Variants in TMEM170A observed in about 807,000 individuals in gnomAD.
The protein encoded by TMEM170A is transmembrane protein 170.
In TMEM170A, 18 loss-of-function variants were observed where a neutral mutation model predicts 12.8. That is an observed-to-expected ratio of 1.41 (90% confidence interval 0.97 to 2.09). The LOEUF (loss-of-function observed/expected upper bound fraction) is 2.09, where lower values mean the gene tolerates loss of function less well. Among genes scored for constraint, TMEM170A ranks in the 30% most tolerant of loss-of-function variants. TMEM170A has a pLI of 0.00. For synonymous variants in TMEM170A, 107 were observed against 76.2 expected (o/e 1.40, Z -2.11); for missense variants, 220 against 179.9 (o/e 1.22, Z -1.28).
chr16:75,458,008 A>C (rs1250252810), intron 1 of TMEM170A, among the ~76,000 whole-genome samples: 3 of 152,222 alleles, frequency 2.0e-5, no homozygotes, highest in Admixed American at 2.0e-4. Context: ...CTTTTTAAAA[A>C]ACTAAGTGAT....
In TMEM170A at chr16:75,451,837, T is replaced by A. The variant is rs755523616; in HGVS notation, c.136A>T (p.Met46Leu). ...NSTSLCSFPE[M>L]WYGVFLWALV... ...GCCCACAGGAATACACCATACCACA[T>A]CTCTATGAGGGAAGACAAAGAAAAG... is the stretch of plus-strand genomic sequence containing the variant. The change falls in exon 2 of 3, where the codon ATG becomes TTG. Residue 46 changes from methionine (M) to leucine (L), a missense_variant and splice_region_variant. Met to Leu is a conservative substitution (Grantham distance 15, BLOSUM62 2). Transcript: ENST00000561878. The A allele has an allele frequency of 6.2e-7, 1 of 1,609,292 alleles. No homozygotes were observed. The highest frequency in any genetic ancestry group is 1.7e-5 in the Admixed American group (1 of 59,004).
In TMEM170A at chr16:75,444,726, T is replaced by A. The variant is rs1348261700; in HGVS notation, c.*2832A>T. 2 of 151,820 alleles carry A rather than the reference T, an allele frequency of 1.3e-5. No individual in the cohort carries two copies. The highest frequency in any genetic ancestry group is 1.5e-5 in the Non-Finnish European group (1 of 67,946). The allele number at this position is 151,820 out of a possible 1,614,324, so 9.4% of individuals were successfully genotyped here. On this transcript the variant is annotated 3_prime_UTR_variant, in exon 3 of 3. Coordinates refer to ENST00000561878, the MANE Select transcript of TMEM170A (RefSeq NM_145254.3). Reference sequence around the variant, plus strand: ...TTAAAATCTATATATATATATAGATTTATTCACTGGAGAATACTTCACCTA... The same window carrying A: ...TTAAAATCTATATATATATATAGATATATTCACTGGAGAATACTTCACCTA...
chr16:75,453,511 A>G (rs2079726302), intron 1 of TMEM170A, among the ~76,000 whole-genome samples: 1 of 152,216 alleles, frequency 6.6e-6, no homozygotes, highest in African/African-American at 2.4e-5. Context: ...GCCAATTGAT[A>G]CGGTACTATG....
At position 75,451,964 on chromosome 16, in the gene TMEM170A, A is replaced by T; in HGVS notation, c.134-125T>A. The T allele has an allele frequency of 4.6e-6, 4 of 871,916 alleles. No homozygotes were observed. The South Asian group carries it at 6.0e-5, about 13-fold the overall frequency. The allele number at this position is 871,916 out of a possible 1,614,324, so 54.0% of individuals were successfully genotyped here. The stretch of plus-strand genomic sequence containing the variant: ...TTTCTTTTTTCCTTTTTTTTGAAAA[A>T]TTTTTATTATTTTTAATTTTTTTTT... On this transcript the variant is annotated intron_variant, in intron 1 of 2. Transcript: ENST00000561878.
rs920171903 is a variant in TMEM170A at position 75,446,353 on chromosome 16, G to T, written c.*1205C>A. On this transcript the variant is annotated 3_prime_UTR_variant, in exon 3 of 3. Coordinates refer to ENST00000561878, the MANE Select transcript of TMEM170A (RefSeq NM_145254.3). ...CCTCTCAAAGAGTCACAGTTTTCAG[G>T]CCTTTTAATGAAAAAGAAAGTTAGG... The T allele has an allele frequency of 1.3e-5, 2 of 151,968 alleles. No individual in the cohort carries two copies. Among genetic ancestry groups the T allele is most frequent in the African/African-American group, 4.8e-5 (2 of 41,370 alleles). The allele number at this position is 151,968 out of a possible 1,614,324, so 9.4% of individuals were successfully genotyped here.
At chr16:75,462,709 T>C (rs1019247373) in intron 1 of TMEM170A, among the ~76,000 whole-genome samples, 8 of 152,234 alleles carry the variant, frequency 5.3e-5, no homozygotes, top group African/African-American at 1.9e-4. Flanking sequence ...AGTAACTGTT[T>C]TAGCTAAATG....
intron 2 of TMEM170A, among the ~76,000 whole-genome samples, chr16:75,448,511 C>T (rs2079626888): frequency 6.6e-6 from 1 of 152,092 alleles, no homozygotes; most frequent in Admixed American, 6.6e-5. Context: ...GCCTGTAATC[C>T]CAGCACTTTG....
At chr16:75,461,923 T>C (rs891650763) in intron 1 of TMEM170A, among the ~76,000 whole-genome samples, 3 of 152,246 alleles carry the variant, frequency 2.0e-5, no homozygotes, top group Admixed American at 6.5e-5. Flanking sequence ...CCTACTGTGA[T>C]GTATTAAACC....
At chr16:75,462,964 C>A (rs766415258) in intron 1 of TMEM170A, among the ~76,000 whole-genome samples, 3 of 152,126 alleles carry the variant, frequency 2.0e-5, no homozygotes, top group Non-Finnish European at 4.4e-5. Context: ...ACTTCTGCAA[C>A]TTCCTATTGA....
intron 1 of TMEM170A, among the ~76,000 whole-genome samples, chr16:75,455,905 G>T (rs2079784173): frequency 6.6e-6 from 1 of 152,226 alleles, no homozygotes; most frequent in African/African-American, 2.4e-5. Context: ...GAGGGGATTA[G>T]AAAGGGGGAG....
upstream of TMEM170A, chr16:75,464,699 C>A: frequency 6.9e-7 from 1 of 1,452,872 alleles, no homozygotes; most frequent in Non-Finnish European, 9.1e-7. Flanking sequence ...CACCTCCAGC[C>A]GGGGTCCTCT....
In TMEM170A at chr16:75,446,697, T is replaced by A. The variant is rs139298815; in HGVS notation, c.*861A>T. On this transcript the variant is annotated 3_prime_UTR_variant, in exon 3 of 3. Coordinates refer to ENST00000561878, the MANE Select transcript of TMEM170A (RefSeq NM_145254.3). ...AAAAACTATGACAGAATGCCTAAAG[T>A]ATCTTATGTGTGCCTCAATGTCCAA... 1 of 152,292 alleles carries A rather than the reference T, an allele frequency of 6.6e-6. No homozygotes were observed. Among genetic ancestry groups the A allele is most frequent in the East Asian group, 1.9e-4 (1 of 5,190 alleles). The allele number at this position is 152,292 out of a possible 1,614,324, so 9.4% of individuals were successfully genotyped here.
intron 2 of TMEM170A, 103 bp downstream of exon 2, chr16:75,451,566 G>A: frequency 7.9e-7 from 1 of 1,267,500 alleles, no homozygotes; most frequent in Non-Finnish European, 1.1e-6. Flanking sequence ...CAGTTAAAAG[G>A]CACTCTTTCC....
At position 75,447,367 on chromosome 16, in the gene TMEM170A, TA is replaced by T; in HGVS notation, c.*190del. On this transcript the variant is annotated 3_prime_UTR_variant, in exon 3 of 3. Coordinates refer to ENST00000561878, the MANE Select transcript of TMEM170A (RefSeq NM_145254.3). ...AAAGACTTGTTTTGGTTGAGAACAA[TA>T]GGAGTCCACATAAGTCTTCAATTCT... The T allele has an allele frequency of 2.1e-6, 1 of 484,586 alleles. No homozygotes were observed. Among genetic ancestry groups the T allele is most frequent in the Non-Finnish European group, 3.3e-6 (1 of 300,700 alleles). 30.0% of individuals were successfully genotyped at this position (484,586 alleles called of 1,614,324 possible).
intron 1 of TMEM170A, among the ~76,000 whole-genome samples, chr16:75,456,384 T>G (rs925669246): frequency 6.6e-6 from 1 of 151,696 alleles, no homozygotes; most frequent in Non-Finnish European, 1.5e-5. Flanking sequence ...GGTTAGGAGT[T>G]CCAGAACAGC....
intron 1 of TMEM170A, among the ~76,000 whole-genome samples, chr16:75,454,622 G>A (rs2079752610): frequency 6.6e-6 from 1 of 152,086 alleles, no homozygotes; most frequent in Non-Finnish European, 1.5e-5. Context: ...GAGACAGAAT[G>A]ACACTCCGTC....
chr16:75,451,914 A>T lies in TMEM170A; in HGVS notation c.134-75T>A. On this transcript the variant is annotated intron_variant, in intron 1 of 2. Coordinates refer to ENST00000561878, the MANE Select transcript of TMEM170A (RefSeq NM_145254.3). ...AATCATTGCAGAGGGTACTCATCATACCCGTCATTTCATTTTCAACACCGT... is the reference window on the plus strand; with the variant it reads ...AATCATTGCAGAGGGTACTCATCATTCCCGTCATTTCATTTTCAACACCGT... 2.4e-6 allele frequency: 3 copies of T among 1,270,344 alleles called. No individual in the cohort carries two copies. The South Asian group carries it at 4.4e-5, about 19-fold the overall frequency. 78.7% of individuals were successfully genotyped at this position (1,270,344 alleles called of 1,614,324 possible).
intron 1 of TMEM170A, among the ~76,000 whole-genome samples, chr16:75,453,193 G>GCTCAC (rs2079720205): frequency 6.6e-6 from 1 of 152,198 alleles, no homozygotes; most frequent in African/African-American, 2.4e-5. Flanking sequence ...CAACACTTCA[G>GCTCAC]GTGGCCAAGG....
chr16:75,451,380 T>C, intron 2 of TMEM170A: 1 of 518,854 alleles, frequency 1.9e-6, no homozygotes, highest in Non-Finnish European at 3.4e-6. Context: ...ACCCTGTCTC[T>C]ACAAAAAATA....
Sources: gnomAD v4.1 joint callset for allele counts (sites outside exome capture counted in the v4.1 genomes callset) on GRCh38, gnomAD v4.1.1 for gene constraint, MANE v1.5 for transcripts, NCBI Gene and HGNC (gene_info 2026-07-23, HGNC 2026-07-21) for gene names.